Variants in WNT10B observed in about 807,000 individuals in gnomAD.
WNT10B encodes the protein protein Wnt-10b.
Under a neutral mutation model 32.7 loss-of-function variants are expected in WNT10B, and 26 were observed. That is an observed-to-expected ratio of 0.79 (90% CI 0.58 to 1.10). The LOEUF (loss-of-function observed/expected upper bound fraction) is 1.10. Among genes scored for constraint, WNT10B ranks in the 50% least tolerant of loss-of-function variants. WNT10B has a pLI of 0.00. For synonymous variants in WNT10B, 204 were observed against 220.4 expected (o/e 0.93, Z 0.66); for missense variants, 474 against 532.5 (o/e 0.89, Z 1.08).
Position 48,970,509 on chromosome 12 carries a change from C to T in WNT10B, c.21G>A (p.Pro7=), listed in dbSNP as rs376351795. 1.3e-6 allele frequency: 2 copies of T among 1,591,730 alleles called. No homozygotes were observed. Among genetic ancestry groups the T allele is most frequent in the African/African-American group, 1.3e-5 (1 of 74,764 alleles). MLEEPR[P]RPPPSGLAGL... ...CCGCGAGGCCCGAGGGCGGAGGCCGCGGCCGGGGCTCCTCCAGCATGTCGA... is the reference window on the plus strand; with the variant it reads ...CCGCGAGGCCCGAGGGCGGAGGCCGTGGCCGGGGCTCCTCCAGCATGTCGA... Residue 7 remains proline, a synonymous_variant, in exon 2 of 5, where the codon CCG becomes CCA. Coordinates refer to ENST00000301061, the MANE Select transcript of WNT10B (RefSeq NM_003394.4). This position sits in a 1 kb window ranked among gnomAD's most constrained non-coding sequence, Gnocchi z 5.0.
rs1005103115 is a variant in WNT10B, at chr12:48,968,033, C to T, written c.624G>A (p.Lys208=). The T allele has an allele frequency of 3.7e-6, 6 of 1,614,266 alleles. No individual in the cohort carries two copies. Among genetic ancestry groups the T allele is most frequent in the Non-Finnish European group, 5.1e-6 (6 of 1,180,050 alleles). Residue 208 remains lysine (K), a synonymous_variant, in exon 4 of 5, where the codon AAG becomes AAA. Transcript: ENST00000301061. ...TGGAATCCAAGAAATCCCGAGAGAA[C>T]TTCTCTCCAAAGTCCATGTCATGGT... is the stretch of plus-strand genomic sequence containing the variant. The part of the protein sequence containing the change: ...GCNHDMDFGE[K]FSRDFLDSRE...
chr12:48,965,527 G>A lies in WNT10B; in HGVS notation c.*568C>T, dbSNP rs1364340970. ...AGGAGACAACTTCCCTAAGGGCCTG[G>A]ACAGACAACTCTCTGAGGATTCAGG... On this transcript the variant is annotated 3_prime_UTR_variant, in exon 5 of 5. Transcript: ENST00000301061. 6.5e-6 allele frequency: 1 copy of A among 154,266 alleles called. No homozygotes were observed. The highest frequency in any genetic ancestry group is 1.4e-5 in the Non-Finnish European group (1 of 69,154). 9.6% of individuals were successfully genotyped at this position (154,266 alleles called of 1,614,324 possible).
chr12:48,970,039 GC>G lies in WNT10B; in HGVS notation c.337+49del. ...CCGCCTCCGCGCGCCTCGCCCTGCC[GC>G]CCACCCCCTAGCCTCCGCGGCAGCG... On this transcript the variant is annotated intron_variant, in intron 3 of 4. Coordinates refer to ENST00000301061, the MANE Select transcript of WNT10B (RefSeq NM_003394.4). This position sits in a 1 kb window ranked among gnomAD's most constrained non-coding sequence, Gnocchi z 5.0. 7.1e-7 allele frequency: 1 copy of G among 1,398,962 alleles called. No homozygotes were observed. The highest frequency in any genetic ancestry group is 9.2e-7 in the Non-Finnish European group (1 of 1,083,300). 86.7% of individuals were successfully genotyped at this position (1,398,962 alleles called of 1,614,324 possible).
intron 3 of WNT10B, chr12:48,969,017 G>T (rs867617637): frequency 6.4e-6 from 3 of 466,032 alleles, no homozygotes; most frequent in African/African-American, 2.0e-5. Flanking sequence ...TTTCCCTAAG[G>T]CCCTCTTAAA....
rs1355486468 is a variant in WNT10B at position 48,971,622 on chromosome 12, G to GAGGAA, written c.-209_-208insTTCCT. 7.2e-5 allele frequency: 11 copies of GAGGAA among 152,580 alleles called. No individual in the cohort carries two copies. The allele number at this position is 152,580 out of a possible 1,614,324, so 9.5% of individuals were successfully genotyped here. A position where few individuals can be genotyped will look rare whatever the true frequency, so the allele number is the denominator to read the frequency against. On this transcript the variant is annotated 5_prime_UTR_variant, in exon 1 of 5. Coordinates refer to ENST00000301061, the MANE Select transcript of WNT10B (RefSeq NM_003394.4). The stretch of plus-strand genomic sequence containing the variant: ...TTCACCGCTTCCCCAGCGCCGCCGC[G>GAGGAA]GCCGCCGGGAGGAAGGGAGGGAGGA...
At position 48,970,206 on chromosome 12, in the gene WNT10B, G is replaced by C. The variant is rs78257842; in HGVS notation, c.220C>G (p.Gln74Glu). ...RNPDVTASAL[Q>E]GLHIAVHECQ... ...TCGTGGACCGCGATGTGCAGACCCT[G>C]AAGCGCGGACGCCGTCACGTCGGGG... is the stretch of plus-strand genomic sequence containing the variant. The change falls in exon 3 of 5, where the codon CAG (glutamine) becomes GAG (glutamate). Residue 74 changes from glutamine (Q) to glutamate (E), a missense_variant. Coordinates refer to ENST00000301061, the MANE Select transcript of WNT10B (RefSeq NM_003394.4). The surrounding 1 kb of genome is among the most constrained non-coding windows in gnomAD (Gnocchi z 5.0). The C allele has an allele frequency of 6.3e-7, 1 of 1,592,664 alleles. No homozygotes were observed. The highest frequency in any genetic ancestry group is 1.3e-5 in the African/African-American group (1 of 74,538).
At position 48,966,233 on chromosome 12, in the gene WNT10B, A is replaced by G. The variant is rs756967599; in HGVS notation, c.1032T>C (p.Cys344=). 1.9e-6 allele frequency: 3 copies of G among 1,614,192 alleles called. No individual in the cohort carries two copies. The East Asian group carries it at 6.7e-5, about 36-fold the overall frequency. Residue 344 remains cysteine (C), a synonymous_variant, in exon 5 of 5, where the codon TGT becomes TGC. Transcript: ENST00000301061. ...CNKTSRLLDG[C]GSLCCGRGHN... The stretch of plus-strand genomic sequence containing the variant: ...GCCCACGGCCACAGCACAGGCTGCC[A>G]CAGCCATCCAACAGGCGGCTGGTCT...
Position 48,968,186 on chromosome 12 carries a change from C to T in WNT10B, c.471G>A (p.Leu157=), listed in dbSNP as rs769257336. Residue 157 remains leucine, a synonymous_variant, in exon 4 of 5, where the codon CTG becomes CTA. Transcript: ENST00000301061. ...CCTGCAGCTGCAGCAGTTTGGCCCTCAGCCGATCCTGCTCACCACTGCCCT... is the reference window on the plus strand; with the variant it reads ...CCTGCAGCTGCAGCAGTTTGGCCCTTAGCCGATCCTGCTCACCACTGCCCT... The part of the protein sequence containing the change: ...GWKGSGEQDR[L]RAKLLQLQAL... 6.2e-7 allele frequency: 1 copy of T among 1,613,988 alleles called. No individual in the cohort carries two copies. Among genetic ancestry groups the T allele is most frequent in the Non-Finnish European group, 8.5e-7 (1 of 1,180,050 alleles).
Position 48,965,862 on chromosome 12 carries a change from G to A in WNT10B, c.*233C>T, listed in dbSNP as rs1337688212. On this transcript the variant is annotated 3_prime_UTR_variant, in exon 5 of 5. Transcript: ENST00000301061. Reference sequence around the variant, plus strand: ...GCATTTCATCTTAGTCCATTCAGGTGTCTAAGGAGCAGAAGAGGGGTGGCA... The same window carrying A: ...GCATTTCATCTTAGTCCATTCAGGTATCTAAGGAGCAGAAGAGGGGTGGCA... 2 of 584,490 alleles carry A rather than the reference G, an allele frequency of 3.4e-6. No individual in the cohort carries two copies. Among genetic ancestry groups the A allele is most frequent in the Non-Finnish European group, 6.1e-6 (2 of 327,492 alleles). The allele number at this position is 584,490 out of a possible 1,614,324, so 36.2% of individuals were successfully genotyped here.
At chr12:48,969,343 C>T (rs1940803685) in intron 3 of WNT10B, among the ~76,000 whole-genome samples, 2 of 152,190 alleles carry the variant, frequency 1.3e-5, no homozygotes, top group African/African-American at 4.8e-5. Flanking sequence ...AATTCCCCTG[C>T]AGATGGCAGC....
chr12:48,968,894 G>A (rs1379854255), intron 3 of WNT10B, among the ~76,000 whole-genome samples: 1 of 151,694 alleles, frequency 6.6e-6, no homozygotes, highest in East Asian at 1.9e-4. Context: ...CTGCCCTTCC[G>A]CTTCCCAAGA....
In WNT10B at chr12:48,970,647, C is replaced by T; in HGVS notation, c.-40-78G>A. On this transcript the variant is annotated intron_variant, in intron 1 of 4. Coordinates refer to ENST00000301061, the MANE Select transcript of WNT10B (RefSeq NM_003394.4). This position sits in a 1 kb window ranked among gnomAD's most constrained non-coding sequence, Gnocchi z 5.0. ...GAACCAAGTGACGCCCTTCTTCGGG[C>T]TCCTAACCCACCGGTGCCACCCTAC... The T allele has an allele frequency of 6.0e-6, 7 of 1,175,102 alleles. No individual in the cohort carries two copies. The South Asian group carries it at 9.5e-5, about 16-fold the overall frequency. The allele number at this position is 1,175,102 out of a possible 1,614,324, so 72.8% of individuals were successfully genotyped here.
intron 3 of WNT10B, 132 bp downstream of exon 3, chr12:48,969,957 G>C (rs552277285): frequency 2.0e-5 from 22 of 1,104,640 alleles, no homozygotes; most frequent in Admixed American, 2.0e-4. Flanking sequence ...GAGCGGCTCC[G>C]GGGGGGGCGG....
intron 4 of WNT10B, 105 bp downstream of exon 4, chr12:48,967,841 G>C (rs1260574516): frequency 2.7e-6 from 4 of 1,469,144 alleles, no homozygotes; most frequent in Non-Finnish European, 2.8e-6. Flanking sequence ...CTGATGGTGA[G>C]TGTCAGTCAC....
At chr12:48,966,829 T>C (rs995615680) in intron 4 of WNT10B, among the ~76,000 whole-genome samples, 3 of 152,198 alleles carry the variant, frequency 2.0e-5, no homozygotes, top group African/African-American at 7.2e-5. Flanking sequence ...TGACTCCCAA[T>C]CCAGTGCTCT....
chr12:48,969,842 A>AGG (rs962596133), intron 3 of WNT10B, among the ~76,000 whole-genome samples: 2 of 151,452 alleles, frequency 1.3e-5, no homozygotes, highest in African/African-American at 4.9e-5. Context: ...GAGGCAGGAA[A>AGG]GGGGGGCCCT....
rs1230495356 is a variant in WNT10B, at chr12:48,966,080, A to G, written c.*15T>C. The G allele has an allele frequency of 6.2e-7, 1 of 1,613,452 alleles. No individual in the cohort carries two copies. Among genetic ancestry groups the G allele is most frequent in the South Asian group, 1.1e-5 (1 of 91,066 alleles). On this transcript the variant is annotated 3_prime_UTR_variant, in exon 5 of 5. Coordinates refer to ENST00000301061, the MANE Select transcript of WNT10B (RefSeq NM_003394.4). ...CACACAGTCCTCTTCCCCAGCCCCA[A>G]GGTAAGGCTGACCCTCACTTACACA...
intron 4 of WNT10B, among the ~76,000 whole-genome samples, chr12:48,967,165 CTTTTT>C (rs35075432): frequency 1.9e-5 from 2 of 104,382 alleles, no homozygotes; most frequent in Non-Finnish European, 1.9e-5. Flanking sequence ...TAATTTTTGT[CTTTTT>C]TTTTTTTTTT....
chr12:48,969,127 C>T lies in WNT10B; in HGVS notation c.338-808G>A, dbSNP rs183587423. On this transcript the variant is annotated intron_variant, in intron 3 of 4. Coordinates refer to ENST00000301061, the MANE Select transcript of WNT10B (RefSeq NM_003394.4). ...ATGCTCACCATTTGGGTGTCCAAGC[C>T]TTCCCCTACACCAGGCCCTGTGGGG... 4.3e-4 allele frequency: 201 copies of T among 470,988 alleles called. 1 individual carries two copies. The highest frequency in any genetic ancestry group is 3.8e-3 in the African/African-American group (189 of 50,182). 29.2% of individuals were successfully genotyped at this position (470,988 alleles called of 1,614,324 possible).
Sources: gnomAD v4.1 joint callset for allele counts (sites outside exome capture counted in the v4.1 genomes callset) on GRCh38, gnomAD v4.1.1 for gene constraint, Gnocchi (gnomAD v3.1) non-coding constraint, MANE v1.5 for transcripts, NCBI Gene and HGNC (gene_info 2026-07-23, HGNC 2026-07-21) for gene names.